Variants in CLDN18 observed in about 807,000 individuals in gnomAD.
CLDN18 encodes the protein claudin 18.
In CLDN18, 20 loss-of-function variants were observed where a neutral mutation model predicts 25.0. The ratio of observed to expected loss-of-function variants is 0.80; its 90% CI spans 0.56 to 1.16. CLDN18 has a LOEUF of 1.16. Ranked by LOEUF, CLDN18 falls within the 50% of genes most tolerant of loss-of-function variation. The pLI is 0.00. For missense variants in CLDN18, 297 were observed against 345.4 expected (o/e 0.86, Z 1.11); for synonymous variants, 125 against 135.6 (o/e 0.92, Z 0.54).
intron 1 of CLDN18, among the ~76,000 whole-genome samples, chr3:138,015,815 CACTTA>C (rs916895702): frequency 1.5e-4 from 23 of 152,222 alleles, no homozygotes; most frequent in African/African-American, 5.3e-4. Context: ...TGCAAAATCT[CACTTA>C]ACTTTTCATT....
At chr3:137,999,777 T>C (rs76564952) in intron 1 of CLDN18, among the ~76,000 whole-genome samples, 15,629 of 152,210 alleles carry the variant, frequency 0.1, 860 homozygotes, top group South Asian at 0.12. Flanking sequence ...CTTCTAGGGA[T>C]TGGCATATTC....
upstream of CLDN18, chr3:138,009,964 G>T (rs932415441): frequency 1.0e-5 from 5 of 486,422 alleles, no homozygotes; most frequent in East Asian, 1.8e-4. Flanking sequence ...TCTGCTCCCT[G>T]GCACGGCTCT....
In CLDN18 at chr3:138,031,345, T is replaced by G. The variant is rs1326984211; in HGVS notation, c.*204T>G. The G allele has an allele frequency of 1.4e-5, 6 of 426,208 alleles. No individual in the cohort carries two copies. The highest frequency in any genetic ancestry group is 2.5e-5 in the Non-Finnish European group (6 of 242,866). 26.4% of individuals were successfully genotyped at this position (426,208 alleles called of 1,614,324 possible). A position where few individuals can be genotyped will look rare whatever the true frequency, so the allele number is the denominator to read the frequency against. ...CACCATAAAACAGCTGAGTTATTTA[T>G]GAATTAGAGGCTATAGCTCACATTT... is the stretch of plus-strand genomic sequence containing the variant. On this transcript the variant is annotated 3_prime_UTR_variant, in exon 5 of 5. Coordinates refer to ENST00000183605, the MANE Select transcript of CLDN18 (RefSeq NM_016369.4).
Position 138,023,771 on chromosome 3 carries a change from T to G in CLDN18, c.334T>G (p.Ser112Ala). 6.2e-7 allele frequency: 1 copy of G among 1,614,120 alleles called. No homozygotes were observed. The highest frequency in any genetic ancestry group is 1.1e-5 in the South Asian group (1 of 91,054). Reference sequence around the variant, plus strand: ...CATCCGCATTGGCAGCATGGAGGACTCTGCCAAAGCCAACATGACACTGAC... The same window carrying G: ...CATCCGCATTGGCAGCATGGAGGACGCTGCCAAAGCCAACATGACACTGAC... ...KCIRIGSMED[S>A]AKANMTLTSG... The change falls in exon 2 of 5, where the codon TCT becomes GCT. Residue 112 changes from serine (S) to alanine (A), a missense_variant. Transcript: ENST00000183605.
upstream of CLDN18, among the ~76,000 whole-genome samples, chr3:138,007,671 A>C (rs1420545683): frequency 1.4e-5 from 2 of 143,506 alleles, no homozygotes; most frequent in East Asian, 4.1e-4. Context: ...TTAAAGTAAA[A>C]TAAATTTTTT....
chr3:138,025,814 T>G (rs1256015922), intron 3 of CLDN18, among the ~76,000 whole-genome samples: 1 of 152,168 alleles, frequency 6.6e-6, no homozygotes, highest in African/African-American at 2.4e-5. Flanking sequence ...TTGCTCACCC[T>G]ACTTAGAAAA....
upstream of CLDN18, among the ~76,000 whole-genome samples, chr3:138,009,692 C>T (rs115449255): frequency 1.0e-3 from 156 of 152,270 alleles, no homozygotes; most frequent in Middle Eastern, 6.8e-3. Flanking sequence ...AGTGCCTGCC[C>T]TACCCATTTC....
chr3:138,011,679 A>G (rs548545266), intron 1 of CLDN18, among the ~76,000 whole-genome samples: 1 of 152,152 alleles, frequency 6.6e-6, no homozygotes, highest in Non-Finnish European at 1.5e-5. Flanking sequence ...CTATCATATA[A>G]AGAAAAAATA....
chr3:138,015,714 G>A (rs913055555), intron 1 of CLDN18, among the ~76,000 whole-genome samples: 5 of 152,130 alleles, frequency 3.3e-5, no homozygotes, highest in African/African-American at 1.2e-4. Flanking sequence ...GGGCAACAGA[G>A]CAAGATCTCA....
upstream of CLDN18, chr3:138,009,946 G>A (rs1193095293): frequency 7.2e-6 from 3 of 414,532 alleles, no homozygotes; most frequent in Non-Finnish European, 1.3e-5. Flanking sequence ...CCCGGAGCAG[G>A]GAGTCCTTCT....
exon 1 of CLDN18, chr3:137,998,961 C>T: frequency 6.2e-7 from 1 of 1,614,152 alleles, no homozygotes. Flanking sequence ...ACCAGTGGAG[C>T]ACCCAAGACT....
At position 138,033,607 on chromosome 3, in the gene CLDN18, G is replaced by C. The variant is rs1392039222; in HGVS notation, c.*2466G>C. 1.3e-5 allele frequency: 2 copies of C among 152,190 alleles called. No individual in the cohort carries two copies. The highest frequency in any genetic ancestry group is 1.3e-4 in the Admixed American group (2 of 15,282). 9.4% of individuals were successfully genotyped at this position (152,190 alleles called of 1,614,324 possible). A position where few individuals can be genotyped will look rare whatever the true frequency, so the allele number is the denominator to read the frequency against. ...TTGTATATGCATTGAGTATTAACCTGAATGTTTTGTTACTTAAATATTAAA... is the reference window on the plus strand; with the variant it reads ...TTGTATATGCATTGAGTATTAACCTCAATGTTTTGTTACTTAAATATTAAA... On this transcript the variant is annotated 3_prime_UTR_variant, in exon 5 of 5. Transcript: ENST00000183605.
At chr3:138,030,877 T>C (rs1942383964) in intron 4 of CLDN18, 93 bp from the exon 5 acceptor site, 1 of 1,197,630 alleles carries the variant, frequency 8.3e-7, no homozygotes, top group East Asian at 2.4e-5. Context: ...CACTGGACTT[T>C]CAGTGCCAAG....
chr3:138,028,614 C>A (rs755318764), intron 3 of CLDN18, among the ~76,000 whole-genome samples: 3 of 152,188 alleles, frequency 2.0e-5, no homozygotes, highest in African/African-American at 4.8e-5. Flanking sequence ...ACTCATGGAG[C>A]CGGAAATCAA....
intron 1 of CLDN18, chr3:137,999,154 G>A: frequency 7.0e-7 from 1 of 1,424,044 alleles, no homozygotes; most frequent in Admixed American, 1.7e-5. Context: ...TGCAGGCTCT[G>A]TCTGGGCACC....
chr3:138,013,705 A>G (rs1268431444), intron 1 of CLDN18, among the ~76,000 whole-genome samples: 1 of 152,232 alleles, frequency 6.6e-6, no homozygotes, highest in Admixed American at 6.5e-5. Context: ...CACATCAACC[A>G]CACTAATTTC....
chr3:138,024,834 A>T (rs990833582), intron 3 of CLDN18, 110 bp downstream of exon 3: 4 of 629,446 alleles, frequency 6.4e-6, no homozygotes, highest in Non-Finnish European at 1.1e-5. Flanking sequence ...AGCAAAAATT[A>T]TCAGAGACAA....
chr3:138,017,598 C>T (rs1242637703), intron 1 of CLDN18, among the ~76,000 whole-genome samples: 2 of 152,174 alleles, frequency 1.3e-5, no homozygotes, highest in African/African-American at 2.4e-5. Flanking sequence ...GTTTATTTCT[C>T]GCTATTGGCT....
At chr3:138,008,816 C>T (rs1256269621), upstream of CLDN18, among the ~76,000 whole-genome samples, 1 of 151,618 alleles carries the variant, frequency 6.6e-6, no homozygotes. Context: ...GTTCCAAATA[C>T]TCTGGAGGCT....
Sources: gnomAD v4.1 joint callset for allele counts (sites outside exome capture counted in the v4.1 genomes callset) on GRCh38, gnomAD v4.1.1 for gene constraint, MANE v1.5 for transcripts, NCBI Gene and HGNC (gene_info 2026-07-23, HGNC 2026-07-21) for gene names.